Variants in CHRM3 observed in about 807,000 individuals in gnomAD.
CHRM3 encodes cholinergic receptor muscarinic 3.
Under a neutral mutation model 41.8 loss-of-function variants are expected in CHRM3, and 11 were observed. The observed-to-expected ratio is 0.26, with a 90% CI of 0.17 to 0.44. The LOEUF (loss-of-function observed/expected upper bound fraction) is 0.44. Among genes scored for constraint, CHRM3 ranks in the 20% least tolerant of loss-of-function variants. CHRM3 has a pLI of 1.00. For synonymous variants in CHRM3, 297 were observed against 301.4 expected (o/e 0.99, Z 0.15); for missense variants, 571 against 745.4 (o/e 0.77, Z 2.72).
chr1:239,647,184 C>T (rs1006886329), intron 4 of CHRM3, among the ~76,000 whole-genome samples: 2 of 152,148 alleles, frequency 1.3e-5, no homozygotes, highest in African/African-American at 2.4e-5. Flanking sequence ...TCTCACCATC[C>T]GTGACCCCAT....
At chr1:239,682,311 T>A (rs1365485640) in intron 5 of CHRM3, among the ~76,000 whole-genome samples, 1 of 152,234 alleles carries the variant, frequency 6.6e-6, no homozygotes, top group Non-Finnish European at 1.5e-5. Context: ...TTGAAAGGAT[T>A]CAGGCAGCGA....
At chr1:239,651,802 G>T (rs1672261583) in intron 4 of CHRM3, among the ~76,000 whole-genome samples, 1 of 152,064 alleles carries the variant, frequency 6.6e-6, no homozygotes, top group African/African-American at 2.4e-5. Flanking sequence ...ACAGTTAAAA[G>T]ATAATGCTGT....
chr1:239,534,529 C>A (rs1202493379), intron 2 of CHRM3, among the ~76,000 whole-genome samples: 1 of 152,126 alleles, frequency 6.6e-6, no homozygotes, highest in African/African-American at 2.4e-5. Flanking sequence ...CATCTTACTT[C>A]CAGACATTTA....
intron 3 of CHRM3, among the ~76,000 whole-genome samples, chr1:239,577,081 G>T (rs1196710014): frequency 6.6e-6 from 1 of 152,112 alleles, no homozygotes; most frequent in African/African-American, 2.4e-5. Context: ...AACTTTATCT[G>T]TTTCTGATTG....
chr1:239,786,197 G>A (rs935293309), intron 5 of CHRM3, among the ~76,000 whole-genome samples: 1 of 152,026 alleles, frequency 6.6e-6, no homozygotes, highest in African/African-American at 2.4e-5. Context: ...TAGTCAAGAT[G>A]CAGTCTGATT....
rs182820703 is a variant in CHRM3 at position 239,693,415 on chromosome 1, A to C, written c.-147+15127A>C. Among the ~76,000 whole-genome samples, 210 of 152,228 alleles carry C rather than the reference A, an allele frequency of 1.4e-3. 1 individual carries two copies. The highest frequency in any genetic ancestry group is 3.4e-3 in the Middle Eastern group (1 of 292). On this transcript the variant is annotated intron_variant, in intron 5 of 6. Coordinates refer to ENST00000676153, the MANE Select transcript of CHRM3 (RefSeq NM_001375978.1). ...CCATATGAGAAGGTGGCATTCTGCAAGCCAAGGAAGAGAGCCCTAACCAGA... is the reference window on the plus strand; with the variant it reads ...CCATATGAGAAGGTGGCATTCTGCACGCCAAGGAAGAGAGCCCTAACCAGA...
intron 2 of CHRM3, among the ~76,000 whole-genome samples, chr1:239,532,622 C>CA (rs56408389): frequency 0.016 from 1,866 of 114,744 alleles, 14 homozygotes; most frequent in African/African-American, 0.027. Flanking sequence ...GACTGCCTCT[C>CA]AAAAAAAAAA....
intron 4 of CHRM3, among the ~76,000 whole-genome samples, chr1:239,646,706 G>T (rs1671769051): frequency 6.6e-6 from 1 of 152,050 alleles, no homozygotes; most frequent in Non-Finnish European, 1.5e-5. Flanking sequence ...TGTGGATGTG[G>T]GTGTGTGGGT....
chr1:239,500,827 A>T (rs1668193321), intron 2 of CHRM3, among the ~76,000 whole-genome samples: 1 of 152,184 alleles, frequency 6.6e-6, no homozygotes, highest in Non-Finnish European at 1.5e-5. Flanking sequence ...CACTTAAAAG[A>T]TACAGAAACA....
intron 5 of CHRM3, among the ~76,000 whole-genome samples, chr1:239,770,925 T>C (rs1667609748): frequency 6.6e-6 from 1 of 151,986 alleles, no homozygotes; most frequent in South Asian, 2.1e-4. Flanking sequence ...CTGTTTCTAC[T>C]AAAAATACAA....
At position 239,911,476 on chromosome 1, in the gene CHRM3, G is replaced by A. The variant is rs545485869; in HGVS notation, c.*2252G>A. 1.2e-5 allele frequency: 2 copies of A among 166,350 alleles called. No homozygotes were observed. Among genetic ancestry groups the A allele is most frequent in the East Asian group, 3.9e-4 (2 of 5,152 alleles). The allele number at this position is 166,350 out of a possible 1,614,324, so 10.3% of individuals were successfully genotyped here. On this transcript the variant is annotated 3_prime_UTR_variant, in exon 7 of 7. Transcript: ENST00000676153. The stretch of plus-strand genomic sequence containing the variant: ...TGTGAAAGCTTATTCAAGTGTCCCA[G>A]TACTTCAGCACTTCCCATCCTTTTG...
chr1:239,548,633 G>A (rs1262950703), intron 3 of CHRM3, among the ~76,000 whole-genome samples: 2 of 152,178 alleles, frequency 1.3e-5, no homozygotes, highest in Non-Finnish European at 2.9e-5. Context: ...CTTTGAGGGT[G>A]CATTTCTTGG....
rs531595651 is a variant in CHRM3, at chr1:239,430,209, G to A, written c.-521+42982G>A. Among the ~76,000 whole-genome samples, 7 of 151,610 alleles carry A rather than the reference G, an allele frequency of 4.6e-5. No homozygotes were observed. The South Asian group carries it at 8.4e-4, about 18-fold the overall frequency. On this transcript the variant is annotated intron_variant, in intron 1 of 6. Transcript: ENST00000676153. ...TCTTGAACTCCTGACCTCGTGATCC[G>A]CCCTCCTCAGCCTCCCAAAGTGCTG...
chr1:239,460,850 A>G (rs1665304294), intron 1 of CHRM3, among the ~76,000 whole-genome samples: 1 of 152,194 alleles, frequency 6.6e-6, no homozygotes, highest in African/African-American at 2.4e-5. Flanking sequence ...CAGGTTAGGA[A>G]AGATTCTTAG....
intron 5 of CHRM3, among the ~76,000 whole-genome samples, chr1:239,728,432 C>A (rs570169910): frequency 6.6e-6 from 1 of 152,046 alleles, no homozygotes; most frequent in South Asian, 2.1e-4. Flanking sequence ...CTAGAAGACA[C>A]CATGTCCATC....
chr1:239,458,622 A>G (rs1473189774), intron 1 of CHRM3, among the ~76,000 whole-genome samples: 3 of 152,214 alleles, frequency 2.0e-5, no homozygotes, highest in Admixed American at 6.5e-5. Flanking sequence ...CCTAAATTCC[A>G]TAAGGTATCA....
chr1:239,859,467 C>T (rs1340755197), intron 6 of CHRM3, among the ~76,000 whole-genome samples: 2 of 149,434 alleles, frequency 1.3e-5, no homozygotes, highest in Non-Finnish European at 3.0e-5. Context: ...ACTCTGTTGC[C>T]CAGGCTGGAG....
At position 239,888,238 on chromosome 1, in the gene CHRM3, A is replaced by G. The variant is rs572366441; in HGVS notation, c.-19-19195A>G. 2.0e-5 allele frequency among the ~76,000 whole-genome samples: 3 copies of G among 152,196 alleles called. No individual in the cohort carries two copies. In the East Asian group the frequency reaches 5.8e-4, roughly 29 times the overall value. ...AAAAAGTAGCCAGGCATGGTGGTGC[A>G]CACCTGTAGATCCAGCTACCCGGGA... is the stretch of plus-strand genomic sequence containing the variant. On this transcript the variant is annotated intron_variant, in intron 6 of 6. Transcript: ENST00000676153.
intron 6 of CHRM3, among the ~76,000 whole-genome samples, chr1:239,837,422 G>A (rs1673419710): frequency 6.6e-6 from 1 of 152,170 alleles, no homozygotes; most frequent in African/African-American, 2.4e-5. Flanking sequence ...CAGCTAGGAA[G>A]GACTCTGAAG....
Sources: gnomAD v4.1 joint callset for allele counts (sites outside exome capture counted in the v4.1 genomes callset) on GRCh38, gnomAD v4.1.1 for gene constraint, MANE v1.5 for transcripts, NCBI Gene and HGNC (gene_info 2026-07-23, HGNC 2026-07-21) for gene names.